The following TGM6 variants were observed in gnomAD, a reference collection of about 807,000 sequenced individuals.
TGM6 encodes protein-glutamine gamma-glutamyltransferase 6.
In TGM6, 74 loss-of-function variants were observed where a neutral mutation model predicts 77.5. The ratio of observed to expected loss-of-function variants is 0.96; its 90% CI spans 0.79 to 1.16. The LOEUF (loss-of-function observed/expected upper bound fraction) is 1.16. Among genes scored for constraint, TGM6 ranks in the 50% most tolerant of loss-of-function variants. The pLI is 0.00. For missense variants in TGM6, 968 were observed against 940.2 expected, an observed-to-expected ratio of 1.03 and a Z score of -0.39; for synonymous variants, 383 against 378.9, an observed-to-expected ratio of 1.01 and a Z score of -0.12.
rs2084931819 is a variant in TGM6 at position 2,432,691 on chromosome 20, CT to C, written c.*49del. On this transcript the variant is annotated 3_prime_UTR_variant, in exon 13 of 13. Coordinates refer to ENST00000202625, the MANE Select transcript of TGM6 (RefSeq NM_198994.3). The stretch of plus-strand genomic sequence containing the variant: ...GGTGGATTTGGCCCCTGTCCTCCTC[CT>C]GCCCATTCTTTGTCTCTTCCACATG... 1 of 1,613,266 alleles carries C rather than the reference CT, an allele frequency of 6.2e-7. No individual in the cohort carries two copies. The highest frequency in any genetic ancestry group is 8.5e-7 in the Non-Finnish European group (1 of 1,179,598).
chr20:2,390,221 G>C lies in TGM6; in HGVS notation c.8-4231G>C, dbSNP rs141282500. Among the ~76,000 whole-genome samples, 389 of 152,290 alleles carry C rather than the reference G, an allele frequency of 2.6e-3. 3 individuals are homozygous for C. The highest frequency in any genetic ancestry group is 9.0e-3 in the African/African-American group (375 of 41,562). On this transcript the variant is annotated intron_variant, in intron 1 of 12. Transcript: ENST00000202625. ...GTTCCTGGTGGTCTTTGGGTAGAGA[G>C]CCTTGACAGAAAAAGAAAATAAATT... is the stretch of plus-strand genomic sequence containing the variant.
At chr20:2,424,693 A>T (rs1169290444) in intron 10 of TGM6, among the ~76,000 whole-genome samples, 1 of 152,178 alleles carries the variant, frequency 6.6e-6, no homozygotes, top group Non-Finnish European at 1.5e-5. Flanking sequence ...TTCCCTTTGC[A>T]TTCAAAACCT....
chr20:2,401,207 C>A (rs548137523), intron 7 of TGM6, among the ~76,000 whole-genome samples: 46 of 149,400 alleles, frequency 3.1e-4, no homozygotes, highest in Non-Finnish European at 3.9e-4. Flanking sequence ...GACTTCGTCT[C>A]AAAAAAAAAA....
At position 2,380,923 on chromosome 20, in the gene TGM6, C is replaced by T. The variant is rs757131484; in HGVS notation, c.-46C>T. 1 of 1,600,158 alleles carries T rather than the reference C, an allele frequency of 6.2e-7. No homozygotes were observed. Among genetic ancestry groups the T allele is most frequent in the Non-Finnish European group, 8.5e-7 (1 of 1,175,226 alleles). ...GACGCGCCACACTGTCCTGACGGTG[C>T]ACACACTGCTGTGTGGAGGAACAGA... On this transcript the variant is annotated 5_prime_UTR_variant, in exon 1 of 13. Transcript: ENST00000202625.
intron 1 of TGM6, among the ~76,000 whole-genome samples, chr20:2,382,558 C>T (rs76967781): frequency 0.018 from 2,678 of 152,276 alleles, 83 homozygotes; most frequent in African/African-American, 0.062. Flanking sequence ...TCTGTTTCTC[C>T]GTCTGTGAAA....
intron 1 of TGM6, among the ~76,000 whole-genome samples, chr20:2,384,407 A>C (rs963924273): frequency 2.0e-5 from 3 of 152,212 alleles, no homozygotes; most frequent in African/African-American, 7.2e-5. Flanking sequence ...CCACACAGCC[A>C]ACAAGTAGAT....
At chr20:2,428,228 G>A (rs13040968) in intron 10 of TGM6, among the ~76,000 whole-genome samples, 33,983 of 152,152 alleles carry the variant, frequency 0.22, 3,993 homozygotes, top group South Asian at 0.3. Flanking sequence ...GAAATATTCT[G>A]CAGATGTCAG....
chr20:2,401,328 C>T lies in TGM6; in HGVS notation c.989+884C>T, dbSNP rs375331168. On this transcript the variant is annotated intron_variant, in intron 7 of 12. Transcript: ENST00000202625. Reference sequence around the variant, plus strand: ...TGATGTCTCCCTCCCGCCCAGTTCCCCAGCCTCCCCATCCTCCTCCTGGAG... The same window carrying T: ...TGATGTCTCCCTCCCGCCCAGTTCCTCAGCCTCCCCATCCTCCTCCTGGAG... 3.9e-5 allele frequency among the ~76,000 whole-genome samples: 6 copies of T among 152,272 alleles called. No homozygotes were observed. The South Asian group carries it at 1.0e-3, about 26-fold the overall frequency.
At chr20:2,385,691 G>A (rs1448035842) in intron 1 of TGM6, among the ~76,000 whole-genome samples, 7 of 152,304 alleles carry the variant, frequency 4.6e-5, no homozygotes, top group African/African-American at 1.7e-4. Flanking sequence ...TGGACAGTCG[G>A]AGCGTGAGCA....
intron 9 of TGM6, among the ~76,000 whole-genome samples, chr20:2,413,561 G>T (rs1465512935): frequency 6.6e-6 from 1 of 152,170 alleles, no homozygotes; most frequent in Admixed American, 6.5e-5. Flanking sequence ...CTACAAGCGT[G>T]TCAAGACAAT....
chr20:2,429,169 A>C (rs1445360941), intron 10 of TGM6, among the ~76,000 whole-genome samples: 1 of 152,200 alleles, frequency 6.6e-6, no homozygotes, highest in African/African-American at 2.4e-5. Flanking sequence ...GGTTCTTCCA[A>C]TAATGACCTA....
At position 2,403,619 on chromosome 20, in the gene TGM6, C is replaced by T. The variant is rs200015721; in HGVS notation, c.1132C>T (p.Arg378Cys). ...RCGPASVTAIREGDVHLAHDG... is the reference protein window; with the variant it reads ...RCGPASVTAICEGDVHLAHDG... Reference sequence around the variant, plus strand: ...CGGCCCAGCCTCAGTCACCGCCATCCGCGAGGGTGATGTGCACCTGGCTCA... The same window carrying T: ...CGGCCCAGCCTCAGTCACCGCCATCTGCGAGGGTGATGTGCACCTGGCTCA... The change falls in exon 9 of 13, where the codon CGC (arginine) becomes TGC (cysteine). Residue 378 changes from arginine to cysteine, a missense_variant. Coordinates refer to ENST00000202625, the MANE Select transcript of TGM6 (RefSeq NM_198994.3). 2.5e-5 allele frequency: 41 copies of T among 1,614,168 alleles called. No homozygotes were observed. Among genetic ancestry groups the T allele is most frequent in the Admixed American group, 2.0e-4 (12 of 60,022 alleles).
At position 2,395,279 on chromosome 20, in the gene TGM6, G is replaced by T. The variant is rs2084656602; in HGVS notation, c.267G>T (p.Arg89Ser). 6.2e-7 allele frequency: 1 copy of T among 1,614,056 alleles called. No individual in the cohort carries two copies. Among genetic ancestry groups the T allele is most frequent in the Non-Finnish European group, 8.5e-7 (1 of 1,180,032 alleles). Residue 89 changes from arginine (R) to serine (S), a missense_variant, in exon 3 of 13, where the codon AGG becomes AGT. Transcript: ENST00000202625. ...LERGEGWTAA[R>S]EAQMEKTLTV... is the part of the protein sequence containing the mutation. The stretch of plus-strand genomic sequence containing the variant: ...GGGGTGAGGGCTGGACAGCAGCAAG[G>T]GAGGCTCAGATGGAGAAAACTCTGA...
In TGM6 at chr20:2,424,937, G is replaced by A. The variant is rs141007107; in HGVS notation, c.1679-5509G>A. ...GAGAGAGATAGGGAAATGGCCAGTC[G>A]GTGGAGCAGTCAGAACTCACATGAC... On this transcript the variant is annotated intron_variant, in intron 10 of 12. Transcript: ENST00000202625. Among the ~76,000 whole-genome samples the A allele has an allele frequency of 3.8e-3, 572 of 152,264 alleles. 2 individuals are homozygous for A. Among genetic ancestry groups the A allele is most frequent in the Non-Finnish European group, 5.7e-3 (391 of 68,014 alleles).
intron 1 of TGM6, among the ~76,000 whole-genome samples, chr20:2,389,854 C>T (rs1399273880): frequency 6.6e-6 from 1 of 152,190 alleles, no homozygotes; most frequent in Non-Finnish European, 1.5e-5. Flanking sequence ...GTCTAAGCCA[C>T]TTACTGGTCT....
chr20:2,427,083 T>G (rs2084892928), intron 10 of TGM6, among the ~76,000 whole-genome samples: 1 of 152,106 alleles, frequency 6.6e-6, no homozygotes, highest in African/African-American at 2.4e-5. Context: ...ATAATTTTTT[T>G]TTCTTAAATT....
intron 9 of TGM6, among the ~76,000 whole-genome samples, chr20:2,412,518 TAGAA>T (rs887503988): frequency 3.3e-5 from 5 of 151,726 alleles, no homozygotes; most frequent in Admixed American, 3.3e-4. Flanking sequence ...ATTTTTAAAA[TAGAA>T]AGAAGACAAA....
rs553454881 is a variant in TGM6, at chr20:2,397,850, G to A, written c.544-68G>A. The stretch of plus-strand genomic sequence containing the variant: ...CAGATGGGGTGACTGACCGGGTGAG[G>A]GCTGTGGGAGGGCCTGGAATATGGG... On this transcript the variant is annotated intron_variant, in intron 4 of 12. Transcript: ENST00000202625. 72 of 1,613,472 alleles carry A rather than the reference G, an allele frequency of 4.5e-5. No homozygotes were observed. The East Asian group carries it at 1.5e-3, about 33-fold the overall frequency.
chr20:2,404,932 C>T (rs1285022113), intron 9 of TGM6, among the ~76,000 whole-genome samples: 1 of 152,224 alleles, frequency 6.6e-6, no homozygotes, highest in Non-Finnish European at 1.5e-5. Flanking sequence ...TGAGCCACTG[C>T]ACCTAGCCCC....
Sources: gnomAD v4.1 joint callset for allele counts (sites outside exome capture counted in the v4.1 genomes callset) on GRCh38, gnomAD v4.1.1 for gene constraint, MANE v1.5 for transcripts, NCBI Gene and HGNC (gene_info 2026-07-23, HGNC 2026-07-21) for gene names.